The following MARCHF8 variants were observed in gnomAD, a reference collection of about 807,000 sequenced individuals.
The protein encoded by MARCHF8 is membrane associated ring-CH-type finger 8.
MARCHF8 carries 40 observed loss-of-function variants against 51.6 expected under a neutral mutation model. The ratio of observed to expected loss-of-function variants is 0.77; its 90% CI spans 0.60 to 1.01. The LOEUF (loss-of-function observed/expected upper bound fraction) is 1.01, where lower values mean the gene tolerates loss of function less well. Ranked by LOEUF, MARCHF8 falls within the 50% of genes least tolerant of loss-of-function variation. The pLI is 0.00. For missense variants in MARCHF8, 685 were observed against 708.6 expected, an observed-to-expected ratio of 0.97 and a Z score of 0.38; for synonymous variants, 263 against 280.3, an observed-to-expected ratio of 0.94 and a Z score of 0.62.
intron 2 of MARCHF8, among the ~76,000 whole-genome samples, chr10:45,517,355 A>G (rs2133222965): frequency 6.6e-6 from 1 of 152,298 alleles, no homozygotes; most frequent in Non-Finnish European, 1.5e-5. Flanking sequence ...TCATGTTGAA[A>G]TTTAATTGCC....
At chr10:45,464,041 T>C in intron 4 of MARCHF8, 45 bp from the exon 5 acceptor site, 1 of 1,505,690 alleles carries the variant, frequency 6.6e-7, no homozygotes, top group Non-Finnish European at 8.8e-7. Flanking sequence ...GTAAAAACAA[T>C]TTTAAAAGAG....
intron 3 of MARCHF8, among the ~76,000 whole-genome samples, chr10:45,480,621 A>C (rs1421013064): frequency 6.6e-6 from 1 of 152,248 alleles, no homozygotes; most frequent in Non-Finnish European, 1.5e-5. Context: ...CAGAGGGTGC[A>C]AGCCCCAAGC....
At position 45,535,195 on chromosome 10, in the gene MARCHF8, A is replaced by G. The variant is rs10508896; in HGVS notation, c.-79+16T>C. On this transcript the variant is annotated intron_variant, in intron 1 of 7. Coordinates refer to ENST00000453424, the MANE Select transcript of MARCHF8 (RefSeq NM_001282866.2). ...GTTTGTATTCAAGCACGTCACACAA[A>G]ACAAGAGGCACTTACTGCGGAGCTG... The G allele has an allele frequency of 0.062, 9,395 of 152,304 alleles. 332 individuals are homozygous for G. Among genetic ancestry groups the G allele is most frequent in the Non-Finnish European group, 0.066 (4,523 of 68,026 alleles). 9.4% of individuals were successfully genotyped at this position (152,304 alleles called of 1,614,324 possible). A position where few individuals can be genotyped will look rare whatever the true frequency, so the allele number is the denominator to read the frequency against.
intron 3 of MARCHF8, among the ~76,000 whole-genome samples, chr10:45,476,724 T>C (rs1311052570): frequency 6.6e-6 from 1 of 151,550 alleles, no homozygotes; most frequent in African/African-American, 2.4e-5. Flanking sequence ...CAAAATACAC[T>C]TGAAATATTC....
chr10:45,564,191 G>A (rs903977324), intron 1 of MARCHF8, among the ~76,000 whole-genome samples: 5 of 152,174 alleles, frequency 3.3e-5, no homozygotes, highest in East Asian at 1.9e-4. Context: ...CAGGAGAATC[G>A]CTTGAACCTG....
At chr10:45,594,638 C>T (rs1289265254) in exon 1 of MARCHF8, 6 of 136,230 alleles carry the variant, frequency 4.4e-5, no homozygotes, top group Non-Finnish European at 9.7e-5. Context: ...GCCCAGCCCA[C>T]CTGTAGCCGA....
At chr10:45,550,704 C>T (rs1454808623) in intron 1 of MARCHF8, among the ~76,000 whole-genome samples, 1 of 152,146 alleles carries the variant, frequency 6.6e-6, no homozygotes, top group African/African-American at 2.4e-5. Flanking sequence ...TACCCTTGTT[C>T]ATTCTGTCCC....
At chr10:45,479,582 C>T (rs1282561598) in intron 3 of MARCHF8, among the ~76,000 whole-genome samples, 1 of 152,108 alleles carries the variant, frequency 6.6e-6, no homozygotes, top group Non-Finnish European at 1.5e-5. Flanking sequence ...CCATACTGTT[C>T]TTGTGGTAGT....
intron 2 of MARCHF8, among the ~76,000 whole-genome samples, chr10:45,526,676 C>T (rs2043799334): frequency 6.6e-6 from 1 of 150,984 alleles, no homozygotes; most frequent in South Asian, 2.1e-4. Flanking sequence ...GAGGGGACTT[C>T]AACACCCCAC....
chr10:45,545,937 CT>C (rs1347541104), intron 1 of MARCHF8, among the ~76,000 whole-genome samples: 1 of 152,080 alleles, frequency 6.6e-6, no homozygotes, highest in East Asian at 1.9e-4. Context: ...CTGCTCCTGC[CT>C]TTTACTGAAA....
At chr10:45,585,655 C>T (rs2044610537) in intron 1 of MARCHF8, among the ~76,000 whole-genome samples, 1 of 152,034 alleles carries the variant, frequency 6.6e-6, no homozygotes, top group African/African-American at 2.4e-5. Context: ...AGATGAAGGG[C>T]ATCAAAAGTA....
At chr10:45,562,572 C>T (rs943902215) in intron 1 of MARCHF8, among the ~76,000 whole-genome samples, 1 of 152,064 alleles carries the variant, frequency 6.6e-6, no homozygotes, top group Non-Finnish European at 1.5e-5. Context: ...TCAAGATATT[C>T]CCAGCTAAAG....
chr10:45,485,361 T>C (rs1334371434), intron 3 of MARCHF8, among the ~76,000 whole-genome samples: 1 of 152,230 alleles, frequency 6.6e-6, no homozygotes, highest in African/African-American at 2.4e-5. Flanking sequence ...ATGAAATCCC[T>C]TGGTAACAGA....
intron 3 of MARCHF8, among the ~76,000 whole-genome samples, chr10:45,467,706 A>G (rs1204534909): frequency 2.0e-5 from 3 of 152,090 alleles, no homozygotes; most frequent in Non-Finnish European, 4.4e-5. Context: ...TAGATGGGAC[A>G]GGACCAGCCG....
chr10:45,473,142 T>A (rs11239534), intron 3 of MARCHF8, among the ~76,000 whole-genome samples: 16,417 of 152,216 alleles, frequency 0.11, 1,178 homozygotes, highest in Non-Finnish European at 0.15. Context: ...GTCCCTCTGA[T>A]ACGTGACATT....
At chr10:45,501,239 TA>T (rs1353982993) in intron 2 of MARCHF8, among the ~76,000 whole-genome samples, 1 of 151,658 alleles carries the variant, frequency 6.6e-6, no homozygotes, top group East Asian at 1.9e-4. Context: ...CCTAAAAGAA[TA>T]AAAAAACTGG....
intron 3 of MARCHF8, among the ~76,000 whole-genome samples, chr10:45,476,118 C>T (rs887699892): frequency 2.0e-5 from 3 of 152,140 alleles, no homozygotes; most frequent in Admixed American, 6.6e-5. Flanking sequence ...GACTGTTACA[C>T]CAGACGTGCA....
intron 3 of MARCHF8, among the ~76,000 whole-genome samples, chr10:45,472,503 A>G (rs1183631655): frequency 6.6e-6 from 1 of 152,226 alleles, no homozygotes; most frequent in East Asian, 1.9e-4. Flanking sequence ...GCTTTTGTTT[A>G]CACGGGTTCC....
chr10:45,516,722 C>A (rs774382108), intron 2 of MARCHF8, among the ~76,000 whole-genome samples: 1 of 152,136 alleles, frequency 6.6e-6, no homozygotes, highest in Non-Finnish European at 1.5e-5. Flanking sequence ...TGAGACTGCG[C>A]CACTGTGCTC....
Sources: allele counts gnomAD v4.1 joint callset (sites outside exome capture counted in the v4.1 genomes callset), GRCh38; gene constraint gnomAD v4.1.1; transcripts MANE v1.5; gene names NCBI Gene and HGNC (gene_info 2026-07-23, HGNC 2026-07-21).